The following TMEM132C variants were observed in gnomAD, a reference collection of about 807,000 sequenced individuals.
TMEM132C encodes the protein protein phosphatase 1, regulatory subunit 152.
In TMEM132C, 29 loss-of-function variants were observed where a neutral mutation model predicts 61.4. The observed-to-expected ratio is 0.47, with a 90% CI of 0.35 to 0.64. The LOEUF (loss-of-function observed/expected upper bound fraction) is 0.64. TMEM132C is among the 30% of genes least tolerant of loss of function. TMEM132C has a pLI of 0.00. For synonymous variants in TMEM132C, 656 were observed against 633.1 expected, an observed-to-expected ratio of 1.04 and a Z score of -0.54; for missense variants, 1,408 against 1,476.9, an observed-to-expected ratio of 0.95 and a Z score of 0.76.
intron 1 of TMEM132C, among the ~76,000 whole-genome samples, chr12:128,358,833 C>T (rs1043350687): frequency 6.6e-6 from 1 of 152,084 alleles, no homozygotes; most frequent in African/African-American, 2.4e-5. Flanking sequence ...GTGAAGGAAA[C>T]CCTGCCCATA....
At chr12:128,378,202 C>T (rs1265659771) in intron 1 of TMEM132C, among the ~76,000 whole-genome samples, 1 of 151,970 alleles carries the variant, frequency 6.6e-6, no homozygotes, top group East Asian at 1.9e-4. Context: ...GCAAGCTCCG[C>T]CTCCCCGGTT....
chr12:128,623,101 T>C (rs1048758506), intron 4 of TMEM132C, among the ~76,000 whole-genome samples: 6 of 152,202 alleles, frequency 3.9e-5, no homozygotes, highest in Non-Finnish European at 8.8e-5. Flanking sequence ...TGTTCTGCCT[T>C]GGTAGCGATG....
chr12:128,568,447 A>G (rs1280305958), intron 3 of TMEM132C, among the ~76,000 whole-genome samples: 1 of 152,232 alleles, frequency 6.6e-6, no homozygotes, highest in Non-Finnish European at 1.5e-5. Context: ...CACATTTCAA[A>G]TAAATAATCA....
intron 4 of TMEM132C, among the ~76,000 whole-genome samples, chr12:128,645,580 A>C (rs112216570): frequency 6.6e-5 from 10 of 152,250 alleles, no homozygotes; most frequent in African/African-American, 2.4e-4. Flanking sequence ...CCAGCCTCCA[A>C]ATTCTCTCTC....
intron 1 of TMEM132C, among the ~76,000 whole-genome samples, chr12:128,390,925 A>G (rs1460993437): frequency 1.3e-5 from 2 of 152,194 alleles, no homozygotes; most frequent in Admixed American, 1.3e-4. Context: ...ATCATCTTCT[A>G]GCTTCCCAGG....
intron 2 of TMEM132C, among the ~76,000 whole-genome samples, chr12:128,541,045 C>CTCTCTCTCTG (rs1250363805): frequency 4.1e-4 from 63 of 151,990 alleles, no homozygotes; most frequent in African/African-American, 8.7e-4. Context: ...CTCTCTCTCT[C>CTCTCTCTCTG]TGTGTGTCTG....
intron 2 of TMEM132C, among the ~76,000 whole-genome samples, chr12:128,537,541 G>A (rs1056774899): frequency 1.3e-5 from 2 of 152,162 alleles, no homozygotes; most frequent in South Asian, 2.1e-4. Context: ...AATTTAGAAG[G>A]TCAAATAGTT....
intron 1 of TMEM132C, among the ~76,000 whole-genome samples, chr12:128,407,063 A>C (rs964573494): frequency 2.0e-5 from 3 of 152,232 alleles, no homozygotes; most frequent in African/African-American, 7.2e-5. Flanking sequence ...TGGTTTGGCC[A>C]TGTCCCCACC....
chr12:128,374,648 T>A (rs1874131481), intron 1 of TMEM132C, among the ~76,000 whole-genome samples: 1 of 151,998 alleles, frequency 6.6e-6, no homozygotes, highest in East Asian at 1.9e-4. Context: ...GTCCCTGTCC[T>A]CCTGGCCAGG....
intron 2 of TMEM132C, among the ~76,000 whole-genome samples, chr12:128,425,099 G>C (rs1023514569): frequency 6.6e-6 from 1 of 152,212 alleles, no homozygotes; most frequent in South Asian, 2.1e-4. Flanking sequence ...GGGAGAGGTA[G>C]TGGTAAGAGG....
chr12:128,664,243 G>C (rs1954434808), intron 4 of TMEM132C, among the ~76,000 whole-genome samples: 1 of 90,830 alleles, frequency 1.1e-5, no homozygotes, highest in African/African-American at 7.8e-5. Flanking sequence ...AGTCGTTCCA[G>C]AAGTAATTCC....
At chr12:128,657,850 A>G (rs957556252) in intron 4 of TMEM132C, among the ~76,000 whole-genome samples, 4 of 152,216 alleles carry the variant, frequency 2.6e-5, no homozygotes, top group African/African-American at 9.6e-5. Flanking sequence ...GTTTCCTGGG[A>G]TGAAGTTGGA....
intron 5 of TMEM132C, 79 bp downstream of exon 5, chr12:128,669,639 T>G (rs1954511817): frequency 6.7e-7 from 1 of 1,491,828 alleles, no homozygotes. Flanking sequence ...ACATTTAGAC[T>G]GAAATACATG....
intron 2 of TMEM132C, among the ~76,000 whole-genome samples, chr12:128,500,009 T>C (rs1872104297): frequency 6.6e-6 from 1 of 152,202 alleles, no homozygotes; most frequent in Non-Finnish European, 1.5e-5. Flanking sequence ...ACCAACAGTG[T>C]ATGAAGGTTC....
chr12:128,499,512 A>G (rs1393860619), intron 2 of TMEM132C, among the ~76,000 whole-genome samples: 3 of 152,184 alleles, frequency 2.0e-5, no homozygotes, highest in Non-Finnish European at 4.4e-5. Flanking sequence ...TATTCATTCT[A>G]TCAGCCTGTA....
At chr12:128,289,305 C>T (rs1871181009) in intron 1 of TMEM132C, among the ~76,000 whole-genome samples, 1 of 152,218 alleles carries the variant, frequency 6.6e-6, no homozygotes, top group African/African-American at 2.4e-5. Flanking sequence ...CACACACAGA[C>T]ACACATACGT....
intron 1 of TMEM132C, among the ~76,000 whole-genome samples, chr12:128,394,091 G>T (rs1208711971): frequency 6.6e-6 from 1 of 152,190 alleles, no homozygotes; most frequent in Non-Finnish European, 1.5e-5. Context: ...TCACAATCGT[G>T]GGGGAAGGTG....
rs188106508 is a variant in TMEM132C at position 128,559,108 on chromosome 12, C to T, written c.1121+15005C>T. On this transcript the variant is annotated intron_variant, in intron 3 of 8. Coordinates refer to ENST00000435159, the MANE Select transcript of TMEM132C (RefSeq NM_001136103.3). ...TCATGCATATGCAAACACACACACACACACACAAACACACACACAGACACA... is the reference window on the plus strand; with the variant it reads ...TCATGCATATGCAAACACACACACATACACACAAACACACACACAGACACA... Among the ~76,000 whole-genome samples, 164 of 151,784 alleles carry T rather than the reference C, an allele frequency of 1.1e-3. 2 individuals carry two copies. In the East Asian group the frequency reaches 0.029, roughly 27 times the overall value.
intron 1 of TMEM132C, among the ~76,000 whole-genome samples, chr12:128,358,277 C>T (rs1873583438): frequency 6.6e-6 from 1 of 152,184 alleles, no homozygotes; most frequent in African/African-American, 2.4e-5. Flanking sequence ...TACATATGCA[C>T]AGCGGGACAC....
Sources: allele counts gnomAD v4.1 joint callset (sites outside exome capture counted in the v4.1 genomes callset), GRCh38; gene constraint gnomAD v4.1.1; transcripts MANE v1.5; gene names NCBI Gene and HGNC (gene_info 2026-07-23, HGNC 2026-07-21).